The following FYN variants were observed in gnomAD, a reference collection of about 807,000 sequenced individuals.
The protein encoded by FYN is FYN proto-oncogene, Src family tyrosine kinase.
In FYN, 10 loss-of-function variants were observed where a neutral mutation model predicts 70.2. That is an observed-to-expected ratio of 0.14 (90% CI 0.09 to 0.24). FYN has a LOEUF of 0.24. Ranked by LOEUF, FYN falls within the 10% of genes least tolerant of loss-of-function variation. FYN has a pLI of 1.00. For missense variants in FYN, 319 were observed against 673.1 expected, an observed-to-expected ratio of 0.47 and a Z score of 5.82; for synonymous variants, 236 against 248.6, an observed-to-expected ratio of 0.95 and a Z score of 0.48.
At chr6:111,867,287 C>A (rs200241246) in intron 1 of FYN, among the ~76,000 whole-genome samples, 1 of 151,932 alleles carries the variant, frequency 6.6e-6, no homozygotes, top group Non-Finnish European at 1.5e-5. Context: ...GCCTGGCCAA[C>A]GTGGCGAAAC....
chr6:111,719,676 G>A, intron 4 of FYN, 129 bp downstream of exon 4: 1 of 1,027,146 alleles, frequency 9.7e-7, no homozygotes, highest in Non-Finnish European at 1.4e-6. Flanking sequence ...ATCTAGTAGA[G>A]GAGACAGATT....
chr6:111,773,758 C>T (rs540739426), intron 3 of FYN, among the ~76,000 whole-genome samples: 5 of 152,114 alleles, frequency 3.3e-5, no homozygotes, highest in Non-Finnish European at 7.4e-5. Flanking sequence ...ATCCCTTCAA[C>T]ATCTATATTC....
intron 3 of FYN, among the ~76,000 whole-genome samples, chr6:111,725,554 G>A (rs1372266989): frequency 6.6e-6 from 1 of 152,180 alleles, no homozygotes; most frequent in East Asian, 1.9e-4. Context: ...CATTTCCCAA[G>A]GTACTGAAGC....
chr6:111,732,909 C>T (rs553188030), intron 3 of FYN, among the ~76,000 whole-genome samples: 1 of 152,282 alleles, frequency 6.6e-6, no homozygotes, highest in East Asian at 1.9e-4. Context: ...AAAGCACCCA[C>T]CACTGACCCC....
chr6:111,794,644 C>T (rs988921337), intron 2 of FYN, among the ~76,000 whole-genome samples: 1 of 152,180 alleles, frequency 6.6e-6, no homozygotes, highest in East Asian at 1.9e-4. Flanking sequence ...ATTATTTCAT[C>T]ACACATGGAG....
chr6:111,866,618 A>G (rs1381443189), intron 1 of FYN, among the ~76,000 whole-genome samples: 1 of 152,254 alleles, frequency 6.6e-6, no homozygotes, highest in Non-Finnish European at 1.5e-5. Context: ...CTGGGATTAC[A>G]GGCGTGAGCC....
intron 3 of FYN, among the ~76,000 whole-genome samples, chr6:111,774,054 C>T (rs1028252094): frequency 1.3e-5 from 2 of 152,222 alleles, no homozygotes; most frequent in Non-Finnish European, 2.9e-5. Flanking sequence ...GAGCATCCTA[C>T]TGGGCTCTCA....
chr6:111,808,001 G>A (rs954266131), intron 2 of FYN, among the ~76,000 whole-genome samples: 3 of 152,090 alleles, frequency 2.0e-5, no homozygotes, highest in African/African-American at 7.2e-5. Flanking sequence ...CCAGCTACTC[G>A]AGAGGCTGAG....
At chr6:111,824,407 TC>T (rs1210788172) in intron 2 of FYN, among the ~76,000 whole-genome samples, 1 of 152,202 alleles carries the variant, frequency 6.6e-6, no homozygotes, top group Admixed American at 6.5e-5. Flanking sequence ...ATGCAAAAGC[TC>T]CCTGTATACT....
chr6:111,811,639 A>G (rs561542837), intron 2 of FYN, among the ~76,000 whole-genome samples: 1 of 152,294 alleles, frequency 6.6e-6, no homozygotes, highest in East Asian at 1.9e-4. Flanking sequence ...GTGACCTTAC[A>G]TATGATGGGG....
chr6:111,777,115 C>G (rs925276656), intron 3 of FYN, among the ~76,000 whole-genome samples: 12 of 152,202 alleles, frequency 7.9e-5, no homozygotes, highest in Admixed American at 5.9e-4. Flanking sequence ...ACGAGACAAT[C>G]TCTTTGTGTA....
At chr6:111,858,841 T>TAAA (rs546524771) in intron 1 of FYN, among the ~76,000 whole-genome samples, 12 of 129,366 alleles carry the variant, frequency 9.3e-5, no homozygotes, top group Admixed American at 1.5e-4. Context: ...ACCTAGGATT[T>TAAA]AAAAAAAAAA....
In FYN at chr6:111,694,282, G is replaced by T; in HGVS notation, c.1273+93C>A. 6.8e-7 allele frequency: 1 copy of T among 1,470,894 alleles called. No homozygotes were observed. The highest frequency in any genetic ancestry group is 9.3e-7 in the Non-Finnish European group (1 of 1,070,366). 91.1% of individuals were successfully genotyped at this position (1,470,894 alleles called of 1,614,324 possible). Reference sequence around the variant, plus strand: ...AAGAATGACATTTCAAGTATTTTCTGAAGGAAGGGAAGGGAAGGAGGAAGG... The same window carrying T: ...AAGAATGACATTTCAAGTATTTTCTTAAGGAAGGGAAGGGAAGGAGGAAGG... On this transcript the variant is annotated intron_variant, in intron 12 of 13. Transcript: ENST00000354650. This position sits in a 1 kb window ranked among gnomAD's most constrained non-coding sequence, Gnocchi z 5.0.
chr6:111,859,711 T>C lies in FYN; in HGVS notation c.-122-13082A>G, dbSNP rs980238024. 2.0e-5 allele frequency among the ~76,000 whole-genome samples: 3 copies of C among 152,210 alleles called. No individual in the cohort carries two copies. The South Asian group carries it at 6.2e-4, about 32-fold the overall frequency. On this transcript the variant is annotated intron_variant, in intron 1 of 13. Coordinates refer to ENST00000354650, the MANE Select transcript of FYN (RefSeq NM_002037.5). ...TGTTCTTGTCTGTTCTCTTTCCCTC[T>C]GAGTGACTGCTACTTTCTATTACTT...
At chr6:111,859,472 C>T (rs1365575949) in intron 1 of FYN, among the ~76,000 whole-genome samples, 1 of 152,150 alleles carries the variant, frequency 6.6e-6, no homozygotes, top group Non-Finnish European at 1.5e-5. Flanking sequence ...ATTCTCCAAG[C>T]CCACTCTCCC....
chr6:111,734,987 G>T (rs1430504324), intron 3 of FYN, among the ~76,000 whole-genome samples: 1 of 152,174 alleles, frequency 6.6e-6, no homozygotes, highest in African/African-American at 2.4e-5. Flanking sequence ...AGGTTGGAGA[G>T]GGGACACAGA....
chr6:111,835,151 G>T (rs1451909350), intron 2 of FYN, among the ~76,000 whole-genome samples: 1 of 152,174 alleles, frequency 6.6e-6, no homozygotes, highest in African/African-American at 2.4e-5. Context: ...AAAGGCAAGT[G>T]AATTCAGCTG....
chr6:111,789,606 A>C (rs1771534887), intron 2 of FYN, among the ~76,000 whole-genome samples: 2 of 152,252 alleles, frequency 1.3e-5, no homozygotes, highest in Non-Finnish European at 2.9e-5. Context: ...ACTCATGAGA[A>C]TGAAGCATAC....
intron 2 of FYN, among the ~76,000 whole-genome samples, chr6:111,816,115 T>G (rs959177821): frequency 1.3e-5 from 2 of 152,224 alleles, no homozygotes; most frequent in Non-Finnish European, 2.9e-5. Flanking sequence ...ACCATATATT[T>G]TTAGGCATTT....
Sources: allele counts gnomAD v4.1 joint callset (sites outside exome capture counted in the v4.1 genomes callset), GRCh38; gene constraint gnomAD v4.1.1; non-coding constraint Gnocchi (gnomAD v3.1); transcripts MANE v1.5; gene names NCBI Gene and HGNC (gene_info 2026-07-23, HGNC 2026-07-21).